UCHL5: variants seen among roughly 807,000 people sequenced by gnomAD.
UCHL5 encodes ubiquitin C-terminal hydrolase L5, also known as ubiquitin carboxyl-terminal hydrolase isozyme L5.
Under a neutral mutation model 53.8 loss-of-function variants are expected in UCHL5, and 34 were observed. That is an observed-to-expected ratio of 0.63 (90% CI 0.48 to 0.84). The LOEUF (loss-of-function observed/expected upper bound fraction) is 0.84. Among genes scored for constraint, UCHL5 ranks in the 40% least tolerant of loss-of-function variants. The pLI is 0.00. For missense variants in UCHL5, 290 were observed against 385.6 expected, an observed-to-expected ratio of 0.75 and a Z score of 2.08; for synonymous variants, 111 against 126.3, an observed-to-expected ratio of 0.88 and a Z score of 0.81.
upstream of UCHL5, chr1:193,059,662 GC>G: frequency 7.3e-7 from 1 of 1,378,026 alleles, no homozygotes; most frequent in Non-Finnish European, 9.7e-7. This position sits in a 1 kb window ranked among gnomAD's most constrained non-coding sequence, Gnocchi z 4.9. Context: ...TGGGGCTGTT[GC>G]TGTTGCTGTG....
chr1:193,025,986 C>T (rs1305975931), intron 7 of UCHL5, among the ~76,000 whole-genome samples: 1 of 151,602 alleles, frequency 6.6e-6, no homozygotes, highest in East Asian at 1.9e-4. Flanking sequence ...CAGAAATAGA[C>T]CCACACCAAT....
At chr1:193,017,194 G>A (rs2102236644) in intron 10 of UCHL5, among the ~76,000 whole-genome samples, 1 of 151,868 alleles carries the variant, frequency 6.6e-6, no homozygotes, top group East Asian at 1.9e-4. Context: ...TTCTGCTGGT[G>A]TTCAGAAGAC....
Position 193,023,042 on chromosome 1 carries a change from TG to T in UCHL5, c.733-7del, listed in dbSNP as rs780828163. The T allele has an allele frequency of 1.3e-6, 2 of 1,596,924 alleles. No individual in the cohort carries two copies. Among genetic ancestry groups the T allele is most frequent in the Non-Finnish European group, 8.6e-7 (1 of 1,167,170 alleles). On this transcript the variant is annotated splice_region_variant and splice_polypyrimidine_tract_variant and intron_variant, in intron 8 of 10. Transcript: ENST00000367454. ...TGATCTGTATCCATGGGTTCCTCCT[TG>T]GGGGAAGGAAAAGAAATAGCACACC...
At chr1:193,036,651 T>G (rs1172676449) in intron 3 of UCHL5, among the ~76,000 whole-genome samples, 2 of 151,974 alleles carry the variant, frequency 1.3e-5, no homozygotes, top group Non-Finnish European at 2.9e-5. Context: ...TACAGAACAT[T>G]TCACCCAACT....
chr1:193,047,153 G>C (rs969307404), intron 3 of UCHL5, among the ~76,000 whole-genome samples: 1 of 152,044 alleles, frequency 6.6e-6, no homozygotes, highest in Non-Finnish European at 1.5e-5. Context: ...CCTACTGTTT[G>C]TATTATTACT....
At chr1:193,033,507 CTTAAAGT>C (rs2102529605) in intron 3 of UCHL5, among the ~76,000 whole-genome samples, 1 of 151,754 alleles carries the variant, frequency 6.6e-6, no homozygotes, top group Admixed American at 6.6e-5. Context: ...GCACATGTAT[CTTAAAGT>C]ATACAATATA....
intron 7 of UCHL5, among the ~76,000 whole-genome samples, chr1:193,027,638 T>C (rs1030543042): frequency 3.3e-5 from 5 of 152,146 alleles, no homozygotes; most frequent in African/African-American, 9.7e-5. Flanking sequence ...TGAGCCGAGA[T>C]TGTGCCACTG....
At chr1:193,020,080 T>C (rs990668684) in intron 10 of UCHL5, 10 of 984,818 alleles carry the variant, frequency 1.0e-5, no homozygotes, top group Non-Finnish European at 1.1e-5. Context: ...CTGAGATGCA[T>C]GAACAGAAAA....
At chr1:193,043,176 A>AAAAAAAAAAAAAAAAAAAAAAAAC (rs67065822) in intron 3 of UCHL5, among the ~76,000 whole-genome samples, 1 of 141,550 alleles carries the variant, frequency 7.1e-6, no homozygotes, top group African/African-American at 2.7e-5. Flanking sequence ...AAAAAAAAAA[A>AAAAAAAAAAAAAAAAAAAAAAAAC]CCACCTATTT....
intron 10 of UCHL5, among the ~76,000 whole-genome samples, chr1:193,019,438 G>C (rs1029091893): frequency 1.3e-5 from 2 of 151,550 alleles, no homozygotes; most frequent in Admixed American, 6.6e-5. Context: ...ATGAGTCTAA[G>C]CTCCTTCAGA....
Position 193,016,232 on chromosome 1 carries a change from TG to T in UCHL5, c.*118del. 1 of 1,097,988 alleles carries T rather than the reference TG, an allele frequency of 9.1e-7. No homozygotes were observed. 68.0% of individuals were successfully genotyped at this position (1,097,988 alleles called of 1,614,324 possible). A position where few individuals can be genotyped will look rare whatever the true frequency, so the allele number is the denominator to read the frequency against. On this transcript the variant is annotated 3_prime_UTR_variant, in exon 11 of 11. Transcript: ENST00000367454. ...TCCATGCATTAAAGACAAGACAGGC[TG>T]GCACTATTGCCAAACGTGCACTGAG...
chr1:193,034,277 AAAAAT>A (rs1312951358), intron 3 of UCHL5, among the ~76,000 whole-genome samples: 13 of 152,138 alleles, frequency 8.5e-5, no homozygotes, highest in African/African-American at 2.4e-4. Context: ...AAATATAACT[AAAAAT>A]AAAATAAGAT....
intron 3 of UCHL5, among the ~76,000 whole-genome samples, chr1:193,048,845 A>T (rs533395631): frequency 1.3e-5 from 2 of 152,350 alleles, no homozygotes; most frequent in East Asian, 3.9e-4. Flanking sequence ...CGATGTTAAC[A>T]TGTAACAAGT....
At chr1:193,049,503 C>A (rs796104060) in intron 3 of UCHL5, 2 of 313,562 alleles carry the variant, frequency 6.4e-6, no homozygotes, top group Non-Finnish European at 1.2e-5. Flanking sequence ...CCATGCCTGG[C>A]GTAAATATTA....
chr1:193,032,486 A>T (rs1476182249), intron 3 of UCHL5, among the ~76,000 whole-genome samples: 1 of 152,202 alleles, frequency 6.6e-6, no homozygotes, highest in Non-Finnish European at 1.5e-5. Flanking sequence ...TCATGACTAA[A>T]ACACCAAAAG....
At chr1:193,043,151 T>TAAAAAAAAAAAAAAA (rs200951342) in intron 3 of UCHL5, among the ~76,000 whole-genome samples, 38 of 36,370 alleles carry the variant, frequency 1.0e-3, no homozygotes, top group East Asian at 2.3e-3. Context: ...TCTTGAATAT[T>TAAAAAAAAAAAAAAA]AAAAAAAAAA....
At chr1:193,059,472 C>T (rs1396512928), upstream of UCHL5, 2 of 1,607,602 alleles carry the variant, frequency 1.2e-6, no homozygotes, top group Admixed American at 1.7e-5. The surrounding 1 kb of genome is among the most constrained non-coding windows in gnomAD (Gnocchi z 4.9). Context: ...CGAAACTCTT[C>T]CCAGGCCTTG....
intron 1 of UCHL5, among the ~76,000 whole-genome samples, chr1:193,053,661 G>A (rs1669760195): frequency 6.6e-6 from 1 of 152,048 alleles, no homozygotes; most frequent in Non-Finnish European, 1.5e-5. Context: ...GGATATTTAC[G>A]TGCTTCATCC....
chr1:193,020,823 G>A (rs1267934957), intron 10 of UCHL5, among the ~76,000 whole-genome samples: 1 of 151,744 alleles, frequency 6.6e-6, no homozygotes, highest in Non-Finnish European at 1.5e-5. Context: ...TTTGCTTAAA[G>A]GAAGTGTTTT....
Sources: gnomAD v4.1 joint callset for allele counts (sites outside exome capture counted in the v4.1 genomes callset) on GRCh38, gnomAD v4.1.1 for gene constraint, Gnocchi (gnomAD v3.1) non-coding constraint, MANE v1.5 for transcripts, NCBI Gene and HGNC (gene_info 2026-07-23, HGNC 2026-07-21) for gene names.